The following KLF12 variants were observed in gnomAD, a reference collection of about 807,000 sequenced individuals.
The protein encoded by KLF12 is KLF transcription factor 12.
In KLF12, 9 loss-of-function variants were observed where a neutral mutation model predicts 37.8. The ratio of observed to expected loss-of-function variants is 0.24; its 90% CI spans 0.14 to 0.42. KLF12 has a LOEUF of 0.42. Ranked by LOEUF, KLF12 falls within the 10% of genes least tolerant of loss-of-function variation. KLF12 has a pLI of 1.00. For missense variants in KLF12, 411 were observed against 516.0 expected, an observed-to-expected ratio of 0.80 and a Z score of 1.97; for synonymous variants, 208 against 202.1, an observed-to-expected ratio of 1.03 and a Z score of -0.25.
At chr13:74,176,011 A>T in the KLF12 span, among the ~76,000 whole-genome samples, 1 of 152,182 alleles carries the variant, frequency 6.6e-6, no homozygotes, top group Non-Finnish European at 1.5e-5. Context: ...TATATTTCCA[A>T]GAAATTCCAC....
intron 3 of KLF12, among the ~76,000 whole-genome samples, chr13:73,869,224 T>C (rs1886344693): frequency 6.6e-6 from 1 of 152,200 alleles, no homozygotes; most frequent in Non-Finnish European, 1.5e-5. Context: ...TTGTGAAGAA[T>C]AAAGCTATTA....
chr13:73,890,939 T>G (rs539065622), intron 3 of KLF12, among the ~76,000 whole-genome samples: 3 of 152,208 alleles, frequency 2.0e-5, no homozygotes, highest in African/African-American at 7.2e-5. Context: ...AAATTGCAAA[T>G]AAAAGACAAA....
chr13:74,106,993 T>G (rs1215973567), intron 1 of KLF12, among the ~76,000 whole-genome samples: 1 of 152,142 alleles, frequency 6.6e-6, no homozygotes, highest in Non-Finnish European at 1.5e-5. Flanking sequence ...CAACAGAAGT[T>G]TATTTATCAC....
the KLF12 span, among the ~76,000 whole-genome samples, chr13:74,172,724 A>G: frequency 6.6e-6 from 1 of 152,122 alleles, no homozygotes. Context: ...CTTTCCCCAT[A>G]CCACAGGCAA....
At chr13:74,177,510 A>G in the KLF12 span, among the ~76,000 whole-genome samples, 1 of 152,204 alleles carries the variant, frequency 6.6e-6, no homozygotes, top group Admixed American at 6.5e-5. Context: ...GAAAGTTACC[A>G]TATTGCAAGG....
intron 5 of KLF12, among the ~76,000 whole-genome samples, chr13:73,789,822 G>A (rs1276308527): frequency 1.6e-4 from 25 of 152,008 alleles, no homozygotes; most frequent in Middle Eastern, 3.2e-3. Flanking sequence ...GACTACAGGC[G>A]TCCGCCACTA....
rs182588577 is a variant in KLF12, at chr13:73,805,670, A to T, written c.806+7482T>A. On this transcript the variant is annotated intron_variant, in intron 5 of 7. Coordinates refer to ENST00000377669, the MANE Select transcript of KLF12 (RefSeq NM_007249.5). ...GGAGGGAGGAAGGAAGGAAGGAAGG[A>T]AGGAAGGAAGGAAGGAAGGAAGGAA... is the stretch of plus-strand genomic sequence containing the variant. 9.7e-5 allele frequency among the ~76,000 whole-genome samples: 8 copies of T among 82,800 alleles called. 1 individual carries two copies. Among genetic ancestry groups the T allele is most frequent in the African/African-American group, 3.9e-4 (8 of 20,490 alleles). The allele number at this position is 82,800 out of a possible 152,430, so 54.3% of individuals were successfully genotyped here. A position where few individuals can be genotyped will look rare whatever the true frequency, so the allele number is the denominator to read the frequency against.
chr13:73,779,276 C>T (rs1482375859), intron 5 of KLF12, among the ~76,000 whole-genome samples: 1 of 152,064 alleles, frequency 6.6e-6, no homozygotes. Context: ...AGCTCCTCAC[C>T]AGAAACAGGG....
chr13:73,877,786 T>C (rs796204317), intron 3 of KLF12, among the ~76,000 whole-genome samples: 4 of 152,298 alleles, frequency 2.6e-5, no homozygotes, highest in African/African-American at 4.8e-5. Context: ...ATTATTGATA[T>C]GGACAGGAGG....
chr13:74,236,213 C>T, the KLF12 span, among the ~76,000 whole-genome samples: 117 of 135,592 alleles, frequency 8.6e-4, no homozygotes, highest in Non-Finnish European at 1.2e-3. Flanking sequence ...TTTGTTCTTG[C>T]GATAGTTTAC....
At chr13:73,829,582 C>A (rs1884041920) in intron 4 of KLF12, among the ~76,000 whole-genome samples, 1 of 152,168 alleles carries the variant, frequency 6.6e-6, no homozygotes, top group Non-Finnish European at 1.5e-5. Context: ...TAAATAAGGT[C>A]TAGTACCAAG....
chr13:73,920,303 A>T (rs1203024594), intron 3 of KLF12, among the ~76,000 whole-genome samples: 1 of 152,108 alleles, frequency 6.6e-6, no homozygotes, highest in East Asian at 1.9e-4. Context: ...ATATATGCCT[A>T]TGTGTGTGAA....
chr13:74,036,321 G>A lies in KLF12; in HGVS notation c.-31-41268C>T, dbSNP rs190970178. ...CAAAGAACGACCTTAACTTCCCACG[G>A]TACCTAATATAAGAGTTAAAAATTG... On this transcript the variant is annotated intron_variant, in intron 1 of 7. Transcript: ENST00000377669. Among the ~76,000 whole-genome samples, 4 of 152,122 alleles carry A rather than the reference G, an allele frequency of 2.6e-5. No individual in the cohort carries two copies. In the East Asian group the frequency reaches 7.7e-4, roughly 29 times the overall value.
chr13:73,883,365 C>T (rs529327932), intron 3 of KLF12, among the ~76,000 whole-genome samples: 2 of 152,236 alleles, frequency 1.3e-5, no homozygotes, highest in East Asian at 1.9e-4. Flanking sequence ...AGAAGTCAGA[C>T]GATAAATTTA....
At chr13:74,029,075 AAAGTGAATCTC>A (rs1052080956) in intron 1 of KLF12, among the ~76,000 whole-genome samples, 9 of 152,082 alleles carry the variant, frequency 5.9e-5, no homozygotes, top group African/African-American at 2.2e-4. Flanking sequence ...ATAAATGAGG[AAAGTGAATCTC>A]AAGTTAAAAA....
At chr13:74,040,706 C>A (rs1336671942) in intron 1 of KLF12, among the ~76,000 whole-genome samples, 2 of 152,212 alleles carry the variant, frequency 1.3e-5, no homozygotes, top group Non-Finnish European at 2.9e-5. Context: ...ATCCCCTCTG[C>A]TTAAATACAC....
At chr13:74,174,244 A>G in the KLF12 span, among the ~76,000 whole-genome samples, 1 of 151,602 alleles carries the variant, frequency 6.6e-6, no homozygotes, top group African/African-American at 2.4e-5. Flanking sequence ...AGGCTTGTCT[A>G]TTGGCTCAAA....
chr13:73,804,389 G>A (rs1882451044), intron 5 of KLF12, among the ~76,000 whole-genome samples: 1 of 152,114 alleles, frequency 6.6e-6, no homozygotes, highest in Middle Eastern at 3.4e-3. Flanking sequence ...GGCAATTCAT[G>A]AAACAATTCA....
At chr13:74,150,231 T>A in the KLF12 span, among the ~76,000 whole-genome samples, 1 of 152,214 alleles carries the variant, frequency 6.6e-6, no homozygotes, top group African/African-American at 2.4e-5. Context: ...AATGAATTAG[T>A]GAATATCTCT....
Sources: gnomAD v4.1 joint callset for allele counts (sites outside exome capture counted in the v4.1 genomes callset) on GRCh38, gnomAD v4.1.1 for gene constraint, MANE v1.5 for transcripts, NCBI Gene and HGNC (gene_info 2026-07-23, HGNC 2026-07-21) for gene names.